The following UNC5D variants were observed in gnomAD, a reference collection of about 807,000 sequenced individuals.
The protein encoded by UNC5D is unc-5 netrin receptor D.
In UNC5D, 39 loss-of-function variants were observed where a neutral mutation model predicts 105.4. That is an observed-to-expected ratio of 0.37 (90% CI 0.29 to 0.48). The LOEUF (loss-of-function observed/expected upper bound fraction) is 0.48, where lower values mean the gene tolerates loss of function less well. Among genes scored for constraint, UNC5D ranks in the 20% least tolerant of loss-of-function variants. The pLI, the probability that UNC5D is intolerant of heterozygous loss-of-function variation, is 0.98. For missense variants in UNC5D, 991 were observed against 1,202.4 expected (o/e 0.82, Z 2.60); for synonymous variants, 452 against 450.4 (o/e 1.00, Z -0.04).
At chr8:35,724,291 T>A (rs778024790) in intron 9 of UNC5D, 1 of 1,534,922 alleles carries the variant, frequency 6.5e-7, no homozygotes. Context: ...AAAAATCCTT[T>A]GGTAAATGCC....
At chr8:35,344,805 A>G (rs1811687319) in intron 1 of UNC5D, among the ~76,000 whole-genome samples, 1 of 152,068 alleles carries the variant, frequency 6.6e-6, no homozygotes, top group African/African-American at 2.4e-5. Context: ...TGAGGTGAAC[A>G]TCATTTTTGC....
intron 16 of UNC5D, among the ~76,000 whole-genome samples, chr8:35,776,665 T>C (rs2131749033): frequency 6.6e-6 from 1 of 152,262 alleles, no homozygotes; most frequent in African/African-American, 2.4e-5. Flanking sequence ...TCCAGGAAAA[T>C]TTTTTTGACA....
chr8:35,400,766 C>T (rs187703129), intron 1 of UNC5D, among the ~76,000 whole-genome samples: 9 of 152,288 alleles, frequency 5.9e-5, no homozygotes, highest in Admixed American at 3.9e-4. Context: ...TATAATCCTT[C>T]GTCACCCCTC....
chr8:35,480,324 A>C (rs563863144), intron 1 of UNC5D, among the ~76,000 whole-genome samples: 1 of 152,332 alleles, frequency 6.6e-6, no homozygotes, highest in East Asian at 1.9e-4. Context: ...TAAATTATAA[A>C]CTAAACAAAA....
chr8:35,495,483 C>CAAAAAAAAAAAAAAAAAAAAAAAAAA (rs1442607841), intron 1 of UNC5D, among the ~76,000 whole-genome samples: 1 of 115,460 alleles, frequency 8.7e-6, no homozygotes, highest in Admixed American at 8.6e-5. Flanking sequence ...AAAAAAAAAG[C>CAAAAAAAAAAAAAAAAAAAAAAAAAA]AAAAAAATCT....
chr8:35,627,505 A>G (rs1331532249), intron 4 of UNC5D, among the ~76,000 whole-genome samples: 2 of 152,170 alleles, frequency 1.3e-5, no homozygotes, highest in Non-Finnish European at 2.9e-5. Context: ...TCTGTCTGAG[A>G]ATGCAGCCAT....
intron 1 of UNC5D, among the ~76,000 whole-genome samples, chr8:35,261,563 CAG>C (rs1446786855): frequency 1.3e-5 from 2 of 150,616 alleles, no homozygotes; most frequent in African/African-American, 4.9e-5. Context: ...GGGAGACTCT[CAG>C]TGCTCATCTT....
intron 1 of UNC5D, among the ~76,000 whole-genome samples, chr8:35,381,213 A>T (rs1803025368): frequency 6.6e-6 from 1 of 152,228 alleles, no homozygotes; most frequent in Non-Finnish European, 1.5e-5. Flanking sequence ...AACGTCTAGG[A>T]ATTTGAATGA....
At chr8:35,619,300 G>A (rs773612972) in intron 4 of UNC5D, among the ~76,000 whole-genome samples, 4 of 152,164 alleles carry the variant, frequency 2.6e-5, no homozygotes, top group African/African-American at 4.8e-5. Flanking sequence ...TGTGGTGAGA[G>A]TTTGTACAGA....
rs1563267165 is a variant in UNC5D, at chr8:35,271,338, T to TGTGTATGTATATGCATACACACGTGCAC, written c.103+35455_103+35456insATGTATATGCATACACACGTGCACGTGT. ...GTATGTATATGCATACACACGTGCA[T>TGTGTATGTATATGCATACACACGTGCAC]GTGTGTATGTATATGCATACACACG... On this transcript the variant is annotated intron_variant, in intron 1 of 16. Coordinates refer to ENST00000404895, the MANE Select transcript of UNC5D (RefSeq NM_080872.4). Among the ~76,000 whole-genome samples, 178 of 80,328 alleles carry TGTGTATGTATATGCATACACACGTGCAC rather than the reference T, an allele frequency of 2.2e-3. 8 individuals are homozygous for TGTGTATGTATATGCATACACACGTGCAC. The highest frequency in any genetic ancestry group is 3.0e-3 in the Non-Finnish European group (123 of 41,098). The allele number at this position is 80,328 out of a possible 152,430, so 52.7% of individuals were successfully genotyped here. A position where few individuals can be genotyped will look rare whatever the true frequency, so the allele number is the denominator to read the frequency against.
At chr8:35,538,967 T>C (rs1332902232) in intron 1 of UNC5D, among the ~76,000 whole-genome samples, 3 of 152,088 alleles carry the variant, frequency 2.0e-5, no homozygotes, top group African/African-American at 4.8e-5. Context: ...GATATAAATT[T>C]TGGTGTAATA....
At chr8:35,296,568 C>T (rs1348446684) in intron 1 of UNC5D, among the ~76,000 whole-genome samples, 1 of 152,100 alleles carries the variant, frequency 6.6e-6, no homozygotes, top group African/African-American at 2.4e-5. Flanking sequence ...TACAGGCGCC[C>T]ATCCCCATGA....
intron 13 of UNC5D, 85 bp from the exon 14 acceptor site, chr8:35,759,235 G>A: frequency 7.0e-7 from 1 of 1,434,784 alleles, no homozygotes; most frequent in Non-Finnish European, 9.6e-7. Flanking sequence ...ACACATGGTA[G>A]TGAGCATGTG....
At chr8:35,740,958 C>T (rs190564994) in intron 11 of UNC5D, among the ~76,000 whole-genome samples, 21 of 152,230 alleles carry the variant, frequency 1.4e-4, no homozygotes, top group Admixed American at 6.5e-4. Flanking sequence ...AGTGCATAAG[C>T]GTGGTGGATA....
chr8:35,403,214 C>G (rs553909467), intron 1 of UNC5D, among the ~76,000 whole-genome samples: 3 of 152,294 alleles, frequency 2.0e-5, no homozygotes, highest in East Asian at 1.9e-4. Flanking sequence ...GGCCAGCAAC[C>G]CTATGTCACT....
chr8:35,708,920 C>A (rs557620771), intron 8 of UNC5D, among the ~76,000 whole-genome samples: 1 of 152,224 alleles, frequency 6.6e-6, no homozygotes, highest in African/African-American at 2.4e-5. Flanking sequence ...TAATCAAATC[C>A]TTTTCCCATC....
chr8:35,478,025 T>TA (rs1237257178), intron 1 of UNC5D, among the ~76,000 whole-genome samples: 1 of 152,292 alleles, frequency 6.6e-6, no homozygotes, highest in East Asian at 1.9e-4. Context: ...TATTAATCAA[T>TA]AATTTCATTT....
chr8:35,322,803 T>G, intron 1 of UNC5D, among the ~76,000 whole-genome samples: 1 of 152,196 alleles, frequency 6.6e-6, no homozygotes, highest in East Asian at 1.9e-4. Context: ...TCTTAAGCGA[T>G]CTTTCTAAAT....
chr8:35,318,921 T>C (rs569345591), intron 1 of UNC5D, among the ~76,000 whole-genome samples: 1 of 152,228 alleles, frequency 6.6e-6, no homozygotes, highest in East Asian at 1.9e-4. Context: ...AAAAAATTAA[T>C]ACTAACTTAG....
Sources: gnomAD v4.1 joint callset for allele counts (sites outside exome capture counted in the v4.1 genomes callset) on GRCh38, gnomAD v4.1.1 for gene constraint, MANE v1.5 for transcripts, NCBI Gene and HGNC (gene_info 2026-07-23, HGNC 2026-07-21) for gene names.